RBFOX1: variants seen among roughly 807,000 people sequenced by gnomAD.
RBFOX1 encodes the protein RNA binding fox-1 homolog 1.
A neutral mutation model predicts 57.7 loss-of-function variants in RBFOX1; 8 were observed. The ratio of observed to expected loss-of-function variants is 0.14; its 90% CI spans 0.08 to 0.25. The LOEUF (loss-of-function observed/expected upper bound fraction) is 0.25, where lower values mean the gene tolerates loss of function less well. RBFOX1 is among the 10% of genes least tolerant of loss of function. The probability of loss-of-function intolerance (pLI) is 1.00; values close to 1 mark genes in which losing one functional copy is unlikely to be tolerated. For missense variants in RBFOX1, 611 were observed against 548.5 expected (o/e 1.11, Z -1.14); for synonymous variants, 326 against 222.4 (o/e 1.47, Z -4.15).
At position 6,559,339 on chromosome 16, in the gene RBFOX1, T is replaced by C. The variant is rs181509469; in HGVS notation, c.-63-95264T>C. Reference sequence around the variant, plus strand: ...CATATATTTAGAACATGTATATGTATGTGTGTATATGTGTGTATATATACA... The same window carrying C: ...CATATATTTAGAACATGTATATGTACGTGTGTATATGTGTGTATATATACA... On this transcript the variant is annotated intron_variant, in intron 2 of 15. Coordinates refer to ENST00000550418, the MANE Select transcript of RBFOX1 (RefSeq NM_018723.4). Among the ~76,000 whole-genome samples, 133 of 143,640 alleles carry C rather than the reference T, an allele frequency of 9.3e-4. 1 individual carries two copies. Among genetic ancestry groups the C allele is most frequent in the Admixed American group, 1.6e-3 (24 of 14,864 alleles). 94.2% of individuals were successfully genotyped at this position (143,640 alleles called of 152,430 possible).
chr16:5,265,124 A>G (rs781297415), intron 1 of RBFOX1, among the ~76,000 whole-genome samples: 4 of 152,236 alleles, frequency 2.6e-5, no homozygotes, highest in Non-Finnish European at 1.5e-5. Flanking sequence ...GGTTTATAAA[A>G]TAGAAAAAAT....
intron 3 of RBFOX1, among the ~76,000 whole-genome samples, chr16:6,965,841 A>C (rs982344594): frequency 2.6e-5 from 4 of 151,920 alleles, no homozygotes; most frequent in African/African-American, 9.7e-5. Flanking sequence ...GTGCTGTCGC[A>C]TCCATGGGGA....
intron 4 of RBFOX1, among the ~76,000 whole-genome samples, chr16:7,406,806 C>A (rs569065889): frequency 1.1e-4 from 17 of 152,330 alleles, no homozygotes; most frequent in African/African-American, 3.4e-4. Flanking sequence ...AAACTTGAGG[C>A]TTCTGCAGGG....
rs138655433 is a variant in RBFOX1, at chr16:7,095,874, G to A, written c.27+43776G>A. 8.6e-5 allele frequency among the ~76,000 whole-genome samples: 13 copies of A among 152,000 alleles called. 1 individual carries two copies. The East Asian group carries it at 1.6e-3, about 18-fold the overall frequency. On this transcript the variant is annotated intron_variant, in intron 4 of 15. Transcript: ENST00000550418. ...AAAAATACAAAAAAATTAGCCAGGC[G>A]TGGTGGCGGGTGTCTGTAATCCCAG...
intron 3 of RBFOX1, among the ~76,000 whole-genome samples, chr16:6,905,214 C>G (rs1054693869): frequency 2.1e-4 from 32 of 151,660 alleles, no homozygotes; most frequent in African/African-American, 7.5e-4. Flanking sequence ...TTCCTTAGCC[C>G]TTTCTTCCTA....
intron 3 of RBFOX1, among the ~76,000 whole-genome samples, chr16:7,013,907 C>G (rs974199906): frequency 3.3e-5 from 5 of 152,168 alleles, no homozygotes; most frequent in Admixed American, 6.5e-5. Flanking sequence ...ATCTTCCTGC[C>G]TCAGCCTCCC....
chr16:7,446,133 ATT>A, intron 4 of RBFOX1, among the ~76,000 whole-genome samples: 1 of 152,196 alleles, frequency 6.6e-6, no homozygotes, highest in African/African-American at 2.4e-5. Flanking sequence ...GAAATGACTA[ATT>A]AACACCAGAG....
intron 2 of RBFOX1, among the ~76,000 whole-genome samples, chr16:5,566,558 AG>A (rs1038168941): frequency 2.8e-4 from 43 of 151,608 alleles, no homozygotes; most frequent in African/African-American, 1.0e-3. Flanking sequence ...CAGAGATTTC[AG>A]GAAAGTAGTT....
chr16:5,773,743 G>C (rs559892750), intron 3 of RBFOX1, among the ~76,000 whole-genome samples: 1 of 152,126 alleles, frequency 6.6e-6, no homozygotes, highest in South Asian at 2.1e-4. Context: ...TGTTGCCCAG[G>C]CTGGAGTGCA....
intron 1 of RBFOX1, among the ~76,000 whole-genome samples, chr16:6,292,485 C>T (rs1300712120): frequency 1.3e-5 from 2 of 151,682 alleles, no homozygotes; most frequent in East Asian, 1.9e-4. Context: ...CAAATACATA[C>T]GTTTGAATAC....
chr16:5,873,167 C>T (rs1344457359), intron 4 of RBFOX1, among the ~76,000 whole-genome samples: 1 of 150,874 alleles, frequency 6.6e-6, no homozygotes, highest in Non-Finnish European at 1.5e-5. Context: ...AAGAAACAAA[C>T]AACAACAACA....
intron 1 of RBFOX1, among the ~76,000 whole-genome samples, chr16:6,130,322 ATGAAC>A (rs1452628414): frequency 6.6e-6 from 1 of 152,144 alleles, no homozygotes; most frequent in Non-Finnish European, 1.5e-5. Flanking sequence ...GCCACATAAT[ATGAAC>A]TGTAAAAAGA....
At chr16:7,702,968 T>C (rs2081257238) in intron 14 of RBFOX1, among the ~76,000 whole-genome samples, 1 of 152,200 alleles carries the variant, frequency 6.6e-6, no homozygotes, top group African/African-American at 2.4e-5. Context: ...TCCCCCTTCT[T>C]ACCTGGTGCC....
chr16:7,615,204 G>A (rs897300342), intron 10 of RBFOX1, among the ~76,000 whole-genome samples: 1 of 152,150 alleles, frequency 6.6e-6, no homozygotes, highest in African/African-American at 2.4e-5. Context: ...GTGGTGGCGG[G>A]CACCTGTAGT....
intron 2 of RBFOX1, among the ~76,000 whole-genome samples, chr16:5,591,731 A>T (rs578071442): frequency 6.6e-6 from 1 of 152,280 alleles, no homozygotes; most frequent in Admixed American, 6.5e-5. Flanking sequence ...ATCTTAACTG[A>T]CAGTGTCTGG....
At chr16:5,575,789 T>C (rs1002236084) in intron 2 of RBFOX1, among the ~76,000 whole-genome samples, 4 of 152,024 alleles carry the variant, frequency 2.6e-5, no homozygotes, top group Admixed American at 6.5e-5. Context: ...AAATGTAACC[T>C]CTTCTTGGGC....
intron 1 of RBFOX1, among the ~76,000 whole-genome samples, chr16:5,246,711 C>T (rs1244331189): frequency 1.3e-5 from 2 of 150,998 alleles, no homozygotes; most frequent in African/African-American, 2.4e-5. Flanking sequence ...CATTCTATTG[C>T]CCAGGCTGTA....
In RBFOX1 at chr16:7,671,416, G is replaced by T. The variant is rs563962141; in HGVS notation, c.931-5358G>T. On this transcript the variant is annotated intron_variant, in intron 13 of 15. Coordinates refer to ENST00000550418, the MANE Select transcript of RBFOX1 (RefSeq NM_018723.4). ...CGATGCCCAGTGCCCCTTTCAGCTT[G>T]GTGGGCCAGTCCCAAGGCTTGGTGA... 435 of 691,890 alleles carry T rather than the reference G, an allele frequency of 6.3e-4. 1 individual carries two copies. Among genetic ancestry groups the T allele is most frequent in the Non-Finnish European group, 9.7e-4 (401 of 413,666 alleles). The allele number at this position is 691,890 out of a possible 1,614,324, so 42.9% of individuals were successfully genotyped here. A position where few individuals can be genotyped will look rare whatever the true frequency, so the allele number is the denominator to read the frequency against.
intron 4 of RBFOX1, among the ~76,000 whole-genome samples, chr16:7,409,927 G>T (rs2098405936): frequency 6.6e-6 from 1 of 152,180 alleles, no homozygotes; most frequent in Admixed American, 6.5e-5. Context: ...GTCTTATCGA[G>T]GAGGCTGTGC....
Sources: allele counts gnomAD v4.1 joint callset (sites outside exome capture counted in the v4.1 genomes callset), GRCh38; gene constraint gnomAD v4.1.1; transcripts MANE v1.5; gene names NCBI Gene and HGNC (gene_info 2026-07-23, HGNC 2026-07-21).